PDE1A: variants seen among roughly 807,000 people sequenced by gnomAD.
PDE1A encodes the protein phosphodiesterase 1A, also known as dual specificity calcium/calmodulin-dependent 3',5'-cyclic nucleotide phosphodiesterase 1A.
PDE1A carries 35 observed loss-of-function variants against 61.7 expected under a neutral mutation model. The observed-to-expected ratio is 0.57, with a 90% CI of 0.43 to 0.75. The LOEUF (loss-of-function observed/expected upper bound fraction) is 0.75, where lower values mean the gene tolerates loss of function less well. PDE1A is among the 30% of genes least tolerant of loss of function. The pLI, the probability that PDE1A is intolerant of heterozygous loss-of-function variation, is 0.00. For missense variants in PDE1A, 597 were observed against 630.6 expected (o/e 0.95, Z 0.57); for synonymous variants, 232 against 213.2 (o/e 1.09, Z -0.77).
chr2:182,218,502 A>G (rs1688433837), intron 7 of PDE1A, among the ~76,000 whole-genome samples: 2 of 152,228 alleles, frequency 1.3e-5, no homozygotes, highest in South Asian at 4.1e-4. Flanking sequence ...AGATCTCTTG[A>G]ACTTATTTAT....
Position 182,161,923 on chromosome 2 carries a change from T to C in PDE1A, c.1517-14771A>G, listed in dbSNP as rs368612395. 3.3e-5 allele frequency among the ~76,000 whole-genome samples: 5 copies of C among 152,080 alleles called. No individual in the cohort carries two copies. The East Asian group carries it at 7.7e-4, about 23-fold the overall frequency. On this transcript the variant is annotated intron_variant, in intron 13 of 13. Coordinates refer to the PDE1A transcript ENST00000409365. ...TTTATTTGGCTGACTGGCTGAAACA[T>C]GGATCAAAAAATAGACCACCCCAGG... is the stretch of plus-strand genomic sequence containing the variant.
At chr2:182,558,435 T>G in the PDE1A span, among the ~76,000 whole-genome samples, 13 of 152,170 alleles carry the variant, frequency 8.5e-5, no homozygotes, top group African/African-American at 2.4e-4. Flanking sequence ...TTTGACAGTC[T>G]GTAATAATAT....
chr2:182,235,998 T>C lies in PDE1A; in HGVS notation c.351-1500A>G, dbSNP rs564108061. 2.0e-5 allele frequency among the ~76,000 whole-genome samples: 3 copies of C among 152,356 alleles called. No homozygotes were observed. In the South Asian group the frequency reaches 6.2e-4, roughly 32 times the overall value. ...TGTTTTCCTTTTAAGTCTTGACTAG[T>C]TGGAAGTTCAGAATGAAAATACTGT... On this transcript the variant is annotated intron_variant, in intron 3 of 13. Transcript: ENST00000351439.
At chr2:182,519,510 C>T (rs143496296) in intron 2 of PDE1A, among the ~76,000 whole-genome samples, 28 of 151,982 alleles carry the variant, frequency 1.8e-4, no homozygotes, top group African/African-American at 6.7e-4. Context: ...AACTGTTTCA[C>T]CTTTCTTGTC....
chr2:182,700,896 G>A, the PDE1A span, among the ~76,000 whole-genome samples: 1 of 151,820 alleles, frequency 6.6e-6, no homozygotes, highest in Non-Finnish European at 1.5e-5. Flanking sequence ...CAGCCTGAGT[G>A]ACAGAGGGAG....
intron 2 of PDE1A, among the ~76,000 whole-genome samples, chr2:182,259,265 G>T (rs1450301104): frequency 6.6e-6 from 1 of 152,162 alleles, no homozygotes; most frequent in African/African-American, 2.4e-5. Context: ...TCTGTATTAA[G>T]GGAAAGGCAC....
At chr2:182,196,917 C>T (rs1470847344) in intron 10 of PDE1A, among the ~76,000 whole-genome samples, 3 of 151,590 alleles carry the variant, frequency 2.0e-5, no homozygotes, top group Admixed American at 6.6e-5. Context: ...GGCATAAATA[C>T]TCATTTATCT....
In PDE1A at chr2:182,445,818, C is replaced by T. The variant is rs188726771; in HGVS notation, c.101+76458G>A. ...AAAGATTAGTGTGTTGGCATAAAACCGCACATGCTTCCTAGAAGTATGTTC... is the reference window on the plus strand; with the variant it reads ...AAAGATTAGTGTGTTGGCATAAAACTGCACATGCTTCCTAGAAGTATGTTC... On this transcript the variant is annotated intron_variant, in intron 2 of 14. Transcript: ENST00000410103. 3.5e-4 allele frequency among the ~76,000 whole-genome samples: 53 copies of T among 152,092 alleles called. No homozygotes were observed. The East Asian group carries it at 3.7e-3, about 11-fold the overall frequency.
chr2:182,379,147 T>C (rs936465546), intron 1 of PDE1A, among the ~76,000 whole-genome samples: 1 of 152,220 alleles, frequency 6.6e-6, no homozygotes, highest in Non-Finnish European at 1.5e-5. Flanking sequence ...ACTTCCGTTT[T>C]TTCAACAGTG....
intron 6 of PDE1A, 94 bp downstream of exon 6, chr2:182,229,912 C>T (rs1689437958): frequency 1.2e-6 from 1 of 862,066 alleles, no homozygotes; most frequent in Non-Finnish European, 1.8e-6. Flanking sequence ...CTTAGAATAC[C>T]TCTATGGGCA....
chr2:182,516,831 AAGGGAGGGAGGGAGGG>A (rs59980126), intron 2 of PDE1A, among the ~76,000 whole-genome samples: 35 of 105,654 alleles, frequency 3.3e-4, no homozygotes, highest in African/African-American at 8.6e-4. Flanking sequence ...GGAAGGAAGG[AAGGGAGGGAGGGAGGG>A]AGGGAGGGAG....
In PDE1A at chr2:182,287,899, A is replaced by ATT. The variant is rs763686071; in HGVS notation, c.54-23487_54-23486dup. 3.9e-5 allele frequency among the ~76,000 whole-genome samples: 6 copies of ATT among 152,176 alleles called. No homozygotes were observed. The East Asian group carries it at 9.7e-4, about 25-fold the overall frequency. On this transcript the variant is annotated intron_variant, in intron 1 of 13. Transcript: ENST00000351439. ...ATATTTATGTGTAGTAAACCACTTA[A>ATT]TTTTTCAGCCTGGAACAAATATCCT...
At chr2:182,208,326 C>A in intron 7 of PDE1A, among the ~76,000 whole-genome samples, 1 of 152,112 alleles carries the variant, frequency 6.6e-6, no homozygotes, top group East Asian at 1.9e-4. Flanking sequence ...AAGGGGGAAG[C>A]AAGGCACATC....
At chr2:182,255,314 C>T (rs1169071051) in intron 2 of PDE1A, among the ~76,000 whole-genome samples, 1 of 152,156 alleles carries the variant, frequency 6.6e-6, no homozygotes, top group Admixed American at 6.5e-5. Context: ...TAATAAAAGC[C>T]GTTCATTAGC....
At chr2:182,172,160 T>C (rs1692281780) in intron 13 of PDE1A, among the ~76,000 whole-genome samples, 1 of 151,986 alleles carries the variant, frequency 6.6e-6, no homozygotes, top group Admixed American at 6.6e-5. Context: ...TACTACAAAA[T>C]AGTGGGTAAT....
chr2:182,443,589 T>C (rs1038635052), intron 2 of PDE1A, among the ~76,000 whole-genome samples: 2 of 152,066 alleles, frequency 1.3e-5, no homozygotes, highest in East Asian at 3.9e-4. Context: ...TGTGCTTGCT[T>C]CCCCTTTGCC....
intron 1 of PDE1A, among the ~76,000 whole-genome samples, chr2:182,319,406 C>T (rs573309873): frequency 6.6e-6 from 1 of 152,196 alleles, no homozygotes; most frequent in South Asian, 2.1e-4. Context: ...CTTAAGTTAA[C>T]TGAAAACTAA....
chr2:182,177,826 T>A lies in PDE1A; in HGVS notation c.1516+8066A>T, dbSNP rs142709099. Among the ~76,000 whole-genome samples, 5 of 152,282 alleles carry A rather than the reference T, an allele frequency of 3.3e-5. No individual in the cohort carries two copies. The South Asian group carries it at 1.0e-3, about 32-fold the overall frequency. ...CTGAAACACCTCAATGGATATAAAA[T>A]TATGGATTTAATTTGTGTCACATGA... On this transcript the variant is annotated intron_variant, in intron 13 of 13. Coordinates refer to ENST00000351439, the Ensembl canonical transcript of PDE1A.
chr2:182,459,837 C>T (rs565486537), intron 2 of PDE1A, among the ~76,000 whole-genome samples: 5 of 152,266 alleles, frequency 3.3e-5, no homozygotes, highest in East Asian at 1.9e-4. Flanking sequence ...TTTCTCAAAA[C>T]GCTGAGATTC....
Sources: gnomAD v4.1 joint callset for allele counts (sites outside exome capture counted in the v4.1 genomes callset) on GRCh38, gnomAD v4.1.1 for gene constraint, MANE v1.5 for transcripts, NCBI Gene and HGNC (gene_info 2026-07-23, HGNC 2026-07-21) for gene names.